Variants in GRIN2B observed in about 807,000 individuals in gnomAD.
The protein encoded by GRIN2B is glutamate ionotropic receptor NMDA type subunit 2B, also known as glutamate receptor ionotropic, NMDA 2B.
GRIN2B carries 5 observed loss-of-function variants against 114.5 expected under a neutral mutation model. That is an observed-to-expected ratio of 0.04 (90% CI 0.02 to 0.09). GRIN2B has a LOEUF of 0.09. GRIN2B is among the 10% of genes least tolerant of loss of function. GRIN2B has a pLI of 1.00. For missense variants in GRIN2B, 1,108 were observed against 1,943.5 expected, an observed-to-expected ratio of 0.57 and a Z score of 8.08; for synonymous variants, 787 against 745.1, an observed-to-expected ratio of 1.06 and a Z score of -0.92.
chr12:13,857,076 C>A (rs1185132363), intron 3 of GRIN2B, among the ~76,000 whole-genome samples: 1 of 152,080 alleles, frequency 6.6e-6, no homozygotes, highest in Non-Finnish European at 1.5e-5. Context: ...TTGAAAAGTC[C>A]ATTGGATTTG....
intron 5 of GRIN2B, among the ~76,000 whole-genome samples, chr12:13,674,689 T>G (rs1349738521): frequency 1.3e-5 from 2 of 152,168 alleles, no homozygotes; most frequent in African/African-American, 2.4e-5. Context: ...CTCAGCCAAT[T>G]GGTCCATGGA....
chr12:13,690,538 A>G (rs7972662), intron 4 of GRIN2B, among the ~76,000 whole-genome samples: 184 of 151,990 alleles, frequency 1.2e-3, no homozygotes, highest in African/African-American at 4.2e-3. Flanking sequence ...GATTGACTTC[A>G]TTCTTGCCCA....
In GRIN2B at chr12:13,866,092, G is replaced by T; in HGVS notation, c.117C>A (p.Val39=). ...CCTCGTCGGAAGTGCCCACGAGGATGACAGCAATGCCAATGCTGGGGGGGC... is the reference window on the plus strand; with the variant it reads ...CCTCGTCGGAAGTGCCCACGAGGATTACAGCAATGCCAATGCTGGGGGGGC... The part of the protein sequence containing the change: ...QKSPPSIGIA[V]ILVGTSDEVA... The change falls in exon 3 of 14, where the codon GTC becomes GTA. Residue 39 remains valine (V), a synonymous_variant. Transcript: ENST00000609686. 1 of 1,614,044 alleles carries T rather than the reference G, an allele frequency of 6.2e-7. No homozygotes were observed. Among genetic ancestry groups the T allele is most frequent in the Non-Finnish European group, 8.5e-7 (1 of 1,179,976 alleles).
chr12:13,700,362 T>C (rs923343526), intron 4 of GRIN2B, among the ~76,000 whole-genome samples: 1 of 152,196 alleles, frequency 6.6e-6, no homozygotes, highest in African/African-American at 2.4e-5. Context: ...ATCTTTTTAA[T>C]AGATATTTTT....
intron 3 of GRIN2B, among the ~76,000 whole-genome samples, chr12:13,815,515 A>T (rs1864805161): frequency 6.6e-6 from 1 of 152,232 alleles, no homozygotes; most frequent in Non-Finnish European, 1.5e-5. Flanking sequence ...AAGGAAATGG[A>T]ATCATTAGAG....
chr12:13,855,047 C>A, intron 3 of GRIN2B, among the ~76,000 whole-genome samples: 2 of 42,490 alleles, frequency 4.7e-5, no homozygotes, highest in Non-Finnish European at 4.7e-5. Context: ...CCCATCTCTA[C>A]TGAAAAAAAA....
At chr12:13,981,880 C>G (rs1307526760), upstream of GRIN2B, 1 of 153,386 alleles carries the variant, frequency 6.5e-6, no homozygotes, top group African/African-American at 2.4e-5. Flanking sequence ...AAAAACGTGC[C>G]GCGCACACAC....
At chr12:13,848,471 A>C (rs1865504230) in intron 3 of GRIN2B, among the ~76,000 whole-genome samples, 1 of 152,156 alleles carries the variant, frequency 6.6e-6, no homozygotes, top group Non-Finnish European at 1.5e-5. Flanking sequence ...GAAAAAAGGC[A>C]CTGGAGAATT....
intron 2 of GRIN2B, among the ~76,000 whole-genome samples, chr12:13,948,874 C>T (rs1308235521): frequency 6.6e-6 from 1 of 152,074 alleles, no homozygotes; most frequent in Non-Finnish European, 1.5e-5. Flanking sequence ...TCCCTCTAAA[C>T]TGATGGGCAG....
intron 10 of GRIN2B, among the ~76,000 whole-genome samples, chr12:13,599,756 G>C (rs2136453349): frequency 6.6e-6 from 1 of 152,340 alleles, no homozygotes; most frequent in South Asian, 2.1e-4. Flanking sequence ...ACAGAGACTA[G>C]GCTGTAAATA....
intron 2 of GRIN2B, among the ~76,000 whole-genome samples, chr12:13,960,171 C>T (rs547500918): frequency 6.6e-6 from 1 of 152,004 alleles, no homozygotes; most frequent in East Asian, 1.9e-4. Context: ...TGGCAAATGT[C>T]CTTTGAGAGG....
At chr12:13,724,839 A>G (rs992492911) in intron 4 of GRIN2B, among the ~76,000 whole-genome samples, 3 of 152,140 alleles carry the variant, frequency 2.0e-5, no homozygotes, top group African/African-American at 2.4e-5. Context: ...GCTTCTAAGA[A>G]GTAGAAATTC....
chr12:13,611,676 A>T, intron 9 of GRIN2B, 49 bp downstream of exon 9: 1 of 1,591,160 alleles, frequency 6.3e-7, no homozygotes, highest in South Asian at 1.1e-5. Flanking sequence ...GAGATTTGAA[A>T]ATAAGGAGAA....
intron 2 of GRIN2B, among the ~76,000 whole-genome samples, chr12:13,927,983 G>A (rs866486898): frequency 0.028 from 635 of 22,754 alleles, 9 homozygotes; most frequent in African/African-American, 0.063. Flanking sequence ...AAAAAAAAAA[G>A]GGGGGGTATG....
At chr12:13,797,600 C>G (rs1864438867) in intron 3 of GRIN2B, among the ~76,000 whole-genome samples, 1 of 152,130 alleles carries the variant, frequency 6.6e-6, no homozygotes, top group African/African-American at 2.4e-5. Context: ...AGGTAGGAAA[C>G]TACATACTGT....
intron 5 of GRIN2B, among the ~76,000 whole-genome samples, chr12:13,641,500 T>G (rs1183854434): frequency 6.6e-6 from 1 of 152,210 alleles, no homozygotes; most frequent in Non-Finnish European, 1.5e-5. Context: ...CCTTTTGCCC[T>G]TGTCTTTATT....
At chr12:13,621,613 GTTT>G (rs869106790) in intron 5 of GRIN2B, among the ~76,000 whole-genome samples, 2,256 of 71,726 alleles carry the variant, frequency 0.031, 15 homozygotes, top group Non-Finnish European at 0.041. Flanking sequence ...CCTAGTTTTT[GTTT>G]TTTTTTTTTT....
At chr12:13,570,179 C>T (rs1200924235) in intron 11 of GRIN2B, among the ~76,000 whole-genome samples, 162 bp from the exon 12 acceptor site, 1 of 152,210 alleles carries the variant, frequency 6.6e-6, no homozygotes, top group Non-Finnish European at 1.5e-5. Context: ...GCCTAAATCC[C>T]AGGCTGTTCT....
chr12:13,903,274 C>T (rs914962138), intron 2 of GRIN2B, among the ~76,000 whole-genome samples: 1 of 151,998 alleles, frequency 6.6e-6, no homozygotes, highest in Admixed American at 6.6e-5. Flanking sequence ...TCCTTTCGTA[C>T]TCTTTTAATT....
Sources: allele counts gnomAD v4.1 joint callset (sites outside exome capture counted in the v4.1 genomes callset), GRCh38; gene constraint gnomAD v4.1.1; transcripts MANE v1.5; gene names NCBI Gene and HGNC (gene_info 2026-07-23, HGNC 2026-07-21).